The following TNRC18 variants were observed in gnomAD, a reference collection of about 807,000 sequenced individuals.
TNRC18 encodes the protein trinucleotide repeat-containing gene 18 protein.
TNRC18 carries 69 observed loss-of-function variants against 226.7 expected under a neutral mutation model. The observed-to-expected ratio is 0.30, with a 90% CI of 0.25 to 0.37. The LOEUF is 0.37. Among genes scored for constraint, TNRC18 ranks in the 10% least tolerant of loss-of-function variants. The probability of loss-of-function intolerance (pLI) is 1.00; values close to 1 mark genes in which losing one functional copy is unlikely to be tolerated. For missense variants in TNRC18, 4,754 were observed against 4,256.6 expected, an observed-to-expected ratio of 1.12 and a Z score of -3.25; for synonymous variants, 2,449 against 1,927.6, an observed-to-expected ratio of 1.27 and a Z score of -7.09.
At chr7:5,354,483 G>C (rs1236349793) in intron 16 of TNRC18, among the ~76,000 whole-genome samples, 1 of 151,864 alleles carries the variant, frequency 6.6e-6, no homozygotes, top group Non-Finnish European at 1.5e-5. Flanking sequence ...AAAATGAGCA[G>C]AGATTGAGAG....
chr7:5,367,977 A>G (rs2128169170), intron 11 of TNRC18, among the ~76,000 whole-genome samples: 1 of 152,152 alleles, frequency 6.6e-6, no homozygotes, highest in South Asian at 2.1e-4. Flanking sequence ...CTGGGCATAC[A>G]ATCCCAGGCA....
intron 2 of TNRC18, among the ~76,000 whole-genome samples, chr7:5,403,807 AC>A (rs1390725355): frequency 6.6e-6 from 1 of 151,546 alleles, no homozygotes; most frequent in Non-Finnish European, 1.5e-5. Context: ...AAAAAAAAAA[AC>A]TGCATCCCTT....
At position 5,345,735 on chromosome 7, in the gene TNRC18, A is replaced by G. The variant is rs1791118000; in HGVS notation, c.5546T>C (p.Leu1849Pro). ...EDEASGGGYR[L>P]GARERALSPG... ...TGACAGGGCCCGCTCCCGGGCACCCAGCCTGTAGCCACCACCGCTGGCCTC... is the reference window on the plus strand; with the variant it reads ...TGACAGGGCCCGCTCCCGGGCACCCGGCCTGTAGCCACCACCGCTGGCCTC... The change falls in exon 18 of 30, where the codon CTG becomes CCG. Residue 1849 changes from leucine to proline, a missense_variant. Coordinates refer to ENST00000430969, the MANE Select transcript of TNRC18 (RefSeq NM_001080495.3). 6.5e-7 allele frequency: 1 copy of G among 1,548,572 alleles called. No individual in the cohort carries two copies. Among genetic ancestry groups the G allele is most frequent in the Non-Finnish European group, 8.7e-7 (1 of 1,146,800 alleles).
At chr7:5,356,133 C>T (rs1262616553) in intron 16 of TNRC18, among the ~76,000 whole-genome samples, 1 of 150,554 alleles carries the variant, frequency 6.6e-6, no homozygotes, top group Non-Finnish European at 1.5e-5. Flanking sequence ...CACTGCACTC[C>T]AGCCTGGACG....
chr7:5,316,381 G>C (rs1787854476), intron 24 of TNRC18, among the ~76,000 whole-genome samples: 1 of 145,976 alleles, frequency 6.9e-6, no homozygotes, highest in African/African-American at 2.5e-5. Flanking sequence ...CCGGGTTCAA[G>C]TGATTCTCCT....
intron 18 of TNRC18, among the ~76,000 whole-genome samples, chr7:5,344,031 T>C (rs1790926006): frequency 6.6e-6 from 1 of 152,106 alleles, no homozygotes; most frequent in Non-Finnish European, 1.5e-5. Flanking sequence ...ACAATCTGTA[T>C]CAGCAATGAA....
intron 5 of TNRC18, among the ~76,000 whole-genome samples, chr7:5,379,067 C>T (rs1779210842): frequency 2.6e-5 from 4 of 151,892 alleles, no homozygotes; most frequent in Non-Finnish European, 4.4e-5. Context: ...CGTGGTGGTG[C>T]GCACCTGTGA....
intron 19 of TNRC18, among the ~76,000 whole-genome samples, chr7:5,325,768 G>C (rs1168554663): frequency 8.8e-6 from 1 of 113,806 alleles, no homozygotes; most frequent in Non-Finnish European, 1.6e-5. Context: ...ACAAGGTCTC[G>C]CTCTGTTGCC....
Position 5,387,560 on chromosome 7 carries a change from A to C in TNRC18, c.2152+112T>G. 1.4e-6 allele frequency: 2 copies of C among 1,421,254 alleles called. 1 individual carries two copies. The highest frequency in any genetic ancestry group is 2.5e-5 in the South Asian group (2 of 80,672). 88.0% of individuals were successfully genotyped at this position (1,421,254 alleles called of 1,614,324 possible). ...ACATTCAAGACCATTTTAAAAAATG[A>C]TACTTATAAAGACTTAGCAATAGCA... On this transcript the variant is annotated intron_variant, in intron 5 of 29. Coordinates refer to ENST00000430969, the MANE Select transcript of TNRC18 (RefSeq NM_001080495.3).
At chr7:5,387,204 A>G (rs1470112459) in intron 5 of TNRC18, among the ~76,000 whole-genome samples, 2 of 152,250 alleles carry the variant, frequency 1.3e-5, no homozygotes, top group Non-Finnish European at 2.9e-5. Context: ...CAAGACCGTG[A>G]GGATGTTGGA....
At chr7:5,404,306 G>A (rs1339566834) in intron 2 of TNRC18, among the ~76,000 whole-genome samples, 2 of 151,792 alleles carry the variant, frequency 1.3e-5, no homozygotes, top group African/African-American at 2.4e-5. Flanking sequence ...GGGAGGCGGA[G>A]GTTGCAGTGA....
At chr7:5,326,924 A>C (rs904894137) in intron 19 of TNRC18, among the ~76,000 whole-genome samples, 1 of 152,012 alleles carries the variant, frequency 6.6e-6, no homozygotes, top group Non-Finnish European at 1.5e-5. Context: ...GGAGATCGAG[A>C]CCATCCTGGC....
At chr7:5,329,294 T>C (rs1416836462) in intron 19 of TNRC18, among the ~76,000 whole-genome samples, 1 of 150,404 alleles carries the variant, frequency 6.6e-6, no homozygotes, top group Non-Finnish European at 1.5e-5. Flanking sequence ...TAGGACAGAT[T>C]CTGTCTTTAA....
chr7:5,316,851 T>C (rs2128108825), intron 24 of TNRC18, among the ~76,000 whole-genome samples: 1 of 152,246 alleles, frequency 6.6e-6, no homozygotes, highest in South Asian at 2.1e-4. Context: ...AAGAGAATCC[T>C]GCCAAGGCTC....
Position 5,307,938 on chromosome 7 carries a change from G to C in TNRC18, c.*168C>G, listed in dbSNP as rs1443371567. ...CATGTGCACATGCGTGCACACACGT[G>C]CATGCACACACACTCACCCGGGCAT... On this transcript the variant is annotated 3_prime_UTR_variant, in exon 30 of 30. Transcript: ENST00000430969. The C allele has an allele frequency of 1.6e-6, 1 of 637,268 alleles. No homozygotes were observed. The highest frequency in any genetic ancestry group is 2.8e-5 in the Admixed American group (1 of 35,822). 39.5% of individuals were successfully genotyped at this position (637,268 alleles called of 1,614,324 possible). A position where few individuals can be genotyped will look rare whatever the true frequency, so the allele number is the denominator to read the frequency against.
Position 5,394,048 on chromosome 7 carries a change from T to C in TNRC18, c.343+392A>G, listed in dbSNP as rs529997072. On this transcript the variant is annotated intron_variant, in intron 3 of 29. Transcript: ENST00000430969. The surrounding 1 kb of genome is among the most constrained non-coding windows in gnomAD (Gnocchi z 4.5). ...TAATGAGCCTACTGTGTACCAGGGA[T>C]ACAGTGCTGAGTAGATCACACTAGG... 5.3e-4 allele frequency among the ~76,000 whole-genome samples: 81 copies of C among 152,240 alleles called. No individual in the cohort carries two copies. Among genetic ancestry groups the C allele is most frequent in the African/African-American group, 1.8e-3 (74 of 41,530 alleles).
intron 18 of TNRC18, among the ~76,000 whole-genome samples, chr7:5,339,492 G>A (rs965266904): frequency 6.6e-6 from 1 of 151,210 alleles, no homozygotes; most frequent in Non-Finnish European, 1.5e-5. Context: ...TATCTGCCTC[G>A]GCCTCCCAAA....
intron 26 of TNRC18, among the ~76,000 whole-genome samples, chr7:5,314,447 C>T (rs1243536684): frequency 6.6e-6 from 1 of 152,138 alleles, no homozygotes; most frequent in Admixed American, 6.6e-5. Context: ...GAAAGAAACA[C>T]AGGCCAGCTG....
At chr7:5,347,019 G>T (rs1258352722) in intron 17 of TNRC18, among the ~76,000 whole-genome samples, 2 of 151,900 alleles carry the variant, frequency 1.3e-5, no homozygotes, top group Non-Finnish European at 2.9e-5. Flanking sequence ...TAGAAGAGCA[G>T]GCTCGAACCC....
Sources: allele counts gnomAD v4.1 joint callset (sites outside exome capture counted in the v4.1 genomes callset), GRCh38; gene constraint gnomAD v4.1.1; non-coding constraint Gnocchi (gnomAD v3.1); transcripts MANE v1.5; gene names NCBI Gene and HGNC (gene_info 2026-07-23, HGNC 2026-07-21).